The following FRMD4A variants were observed in gnomAD, a reference collection of about 807,000 sequenced individuals.
FRMD4A encodes FERM domain containing 4A, also known as FERM domain-containing protein 4A.
A neutral mutation model predicts 129.1 loss-of-function variants in FRMD4A; 29 were observed. The ratio of observed to expected loss-of-function variants is 0.22; its 90% CI spans 0.17 to 0.31. The LOEUF (loss-of-function observed/expected upper bound fraction) is 0.31, where lower values mean the gene tolerates loss of function less well. FRMD4A is among the 10% of genes least tolerant of loss of function. The probability of loss-of-function intolerance (pLI) is 1.00; values close to 1 mark genes in which losing one functional copy is unlikely to be tolerated. For missense variants in FRMD4A, 1,272 were observed against 1,375.8 expected, an observed-to-expected ratio of 0.92 and a Z score of 1.19; for synonymous variants, 634 against 571.6, an observed-to-expected ratio of 1.11 and a Z score of -1.56.
intron 6 of FRMD4A, among the ~76,000 whole-genome samples, chr10:13,764,432 G>A (rs117772550): frequency 0.036 from 5,402 of 152,088 alleles, 133 homozygotes; most frequent in Non-Finnish European, 0.056. Flanking sequence ...CTGAGCCTGC[G>A]GAGGTTGAGG....
chr10:14,009,731 A>C (rs2095674488), intron 2 of FRMD4A, among the ~76,000 whole-genome samples: 1 of 152,236 alleles, frequency 6.6e-6, no homozygotes, highest in Admixed American at 6.5e-5. Context: ...TGATGTGGGA[A>C]ATTCCAAATA....
At chr10:13,816,543 G>A (rs901162958) in intron 3 of FRMD4A, among the ~76,000 whole-genome samples, 2 of 152,176 alleles carry the variant, frequency 1.3e-5, no homozygotes, top group South Asian at 4.1e-4. Context: ...AACAATTTGT[G>A]GCATCAGCTC....
intron 6 of FRMD4A, among the ~76,000 whole-genome samples, chr10:13,764,164 C>T (rs1020884912): frequency 2.0e-5 from 3 of 150,510 alleles, no homozygotes; most frequent in Non-Finnish European, 4.4e-5. Flanking sequence ...ATAAACATAT[C>T]GATCACATCC....
intron 14 of FRMD4A, among the ~76,000 whole-genome samples, chr10:13,701,048 G>A (rs1045160957): frequency 3.3e-5 from 5 of 152,092 alleles, no homozygotes; most frequent in South Asian, 2.1e-4. Flanking sequence ...GGATTCTCCC[G>A]AGGGCCAAAA....
chr10:13,941,270 C>G (rs192311705), intron 2 of FRMD4A, among the ~76,000 whole-genome samples: 2 of 152,080 alleles, frequency 1.3e-5, no homozygotes, highest in Non-Finnish European at 2.9e-5. Flanking sequence ...TAAGGGGAAA[C>G]CCCTTTTGCT....
intron 13 of FRMD4A, 110 bp from the exon 14 acceptor site, chr10:13,701,588 A>T: frequency 1.1e-6 from 1 of 895,902 alleles, no homozygotes; most frequent in Non-Finnish European, 1.8e-6. Flanking sequence ...CCTGGCGTAA[A>T]GATGATAGAT....
chr10:14,288,763 A>G lies in FRMD4A; in HGVS notation c.45+41295T>C, dbSNP rs79874508. On this transcript the variant is annotated intron_variant, in intron 2 of 24. Coordinates refer to ENST00000357447, the MANE Select transcript of FRMD4A (RefSeq NM_018027.5). ...GCATAACTATAACTTTATATCTGGTAAACAGCAACGCCCCATTTCTCCCTC... is the reference window on the plus strand; with the variant it reads ...GCATAACTATAACTTTATATCTGGTGAACAGCAACGCCCCATTTCTCCCTC... Among the ~76,000 whole-genome samples the G allele has an allele frequency of 3.4e-3, 520 of 152,232 alleles. 7 individuals are homozygous for G. In the East Asian group the frequency reaches 0.039, roughly 11 times the overall value.
intron 2 of FRMD4A, among the ~76,000 whole-genome samples, chr10:14,311,817 T>C (rs1172068789): frequency 1.3e-5 from 2 of 152,160 alleles, no homozygotes; most frequent in African/African-American, 2.4e-5. Flanking sequence ...ATGAATAAAC[T>C]ATGTAGTTGA....
At chr10:13,799,129 T>C (rs1202512408) in intron 4 of FRMD4A, among the ~76,000 whole-genome samples, 1 of 152,226 alleles carries the variant, frequency 6.6e-6, no homozygotes, top group East Asian at 1.9e-4. Context: ...TTGCTCTCTA[T>C]GCATTCATTT....
Position 13,646,751 on chromosome 10 carries a change from C to G in FRMD4A, c.*287G>C, listed in dbSNP as rs964450652. 6.5e-6 allele frequency: 1 copy of G among 152,680 alleles called. No homozygotes were observed. The highest frequency in any genetic ancestry group is 2.4e-5 in the African/African-American group (1 of 41,398). The allele number at this position is 152,680 out of a possible 1,614,324, so 9.5% of individuals were successfully genotyped here. A position where few individuals can be genotyped will look rare whatever the true frequency, so the allele number is the denominator to read the frequency against. On this transcript the variant is annotated 3_prime_UTR_variant, in exon 25 of 25. Coordinates refer to ENST00000357447, the MANE Select transcript of FRMD4A (RefSeq NM_018027.5). ...AGCGCCAGGGGACACACAGTGGGAC[C>G]GGAACCTTCCAGAATGTCTCCTCAG...
chr10:14,067,718 G>T (rs1835130281), intron 2 of FRMD4A, among the ~76,000 whole-genome samples: 1 of 152,202 alleles, frequency 6.6e-6, no homozygotes, highest in Non-Finnish European at 1.5e-5. Context: ...TCGGGAGGCT[G>T]AGGCAGAAGA....
At chr10:14,047,850 T>C (rs1834055196) in intron 2 of FRMD4A, among the ~76,000 whole-genome samples, 1 of 152,104 alleles carries the variant, frequency 6.6e-6, no homozygotes, top group Admixed American at 6.5e-5. Context: ...GAGTCAGAAT[T>C]GTGTCATTGC....
At chr10:14,210,548 G>T (rs1383137952) in intron 2 of FRMD4A, among the ~76,000 whole-genome samples, 2 of 152,128 alleles carry the variant, frequency 1.3e-5, no homozygotes, top group Admixed American at 6.5e-5. Context: ...CAACCACACA[G>T]CATGGACCTT....
At chr10:13,869,552 A>G (rs1432885831) in intron 2 of FRMD4A, among the ~76,000 whole-genome samples, 1 of 152,230 alleles carries the variant, frequency 6.6e-6, no homozygotes, top group South Asian at 2.1e-4. Flanking sequence ...TGAAAGACGC[A>G]ATGGCATGGG....
In FRMD4A at chr10:13,651,898, G is replaced by C. The variant is rs61754562; in HGVS notation, c.*2+5C>G. On this transcript the variant is annotated splice_donor_5th_base_variant and intron_variant, in intron 24 of 24. Coordinates refer to ENST00000357447, the MANE Select transcript of FRMD4A (RefSeq NM_018027.5). ...GCAGTAGGAACAAAACTCCCCTTAC[G>C]GTACCTCTATTCATCAGTACTTTGG... The C allele has an allele frequency of 8.7e-6, 13 of 1,489,828 alleles. No homozygotes were observed. Among genetic ancestry groups the C allele is most frequent in the African/African-American group, 1.4e-5 (1 of 72,832 alleles). The allele number at this position is 1,489,828 out of a possible 1,614,324, so 92.3% of individuals were successfully genotyped here.
intron 15 of FRMD4A, among the ~76,000 whole-genome samples, chr10:13,675,401 T>C (rs569169799): frequency 3.9e-5 from 6 of 152,204 alleles, no homozygotes; most frequent in Non-Finnish European, 8.8e-5. Flanking sequence ...TTAATACGTA[T>C]TGAGTTATTT....
chr10:13,664,880 A>AT (rs2082895852), intron 18 of FRMD4A, among the ~76,000 whole-genome samples: 1 of 151,330 alleles, frequency 6.6e-6, no homozygotes, highest in African/African-American at 2.4e-5. Context: ...CAGCTTAACT[A>AT]TTTTTTTGTT....
chr10:13,741,560 A>G (rs1438567774), intron 9 of FRMD4A, among the ~76,000 whole-genome samples: 1 of 152,226 alleles, frequency 6.6e-6, no homozygotes, highest in Admixed American at 6.5e-5. Context: ...GAGATGACGC[A>G]TGAATGCCCG....
At chr10:13,884,194 A>ACTCACACGCACACTCACACACT (rs2094587876) in intron 2 of FRMD4A, among the ~76,000 whole-genome samples, 1 of 79,836 alleles carries the variant, frequency 1.3e-5, no homozygotes, top group African/African-American at 4.5e-5. Flanking sequence ...ACACACACAC[A>ACTCACACGCACACTCACACACT]CTCACACACA....
Sources: gnomAD v4.1 joint callset for allele counts (sites outside exome capture counted in the v4.1 genomes callset) on GRCh38, gnomAD v4.1.1 for gene constraint, MANE v1.5 for transcripts, NCBI Gene and HGNC (gene_info 2026-07-23, HGNC 2026-07-21) for gene names.